Variants in RFTN2 observed in about 807,000 individuals in gnomAD.
The protein encoded by RFTN2 is raftlin-2.
A neutral mutation model predicts 52.7 loss-of-function variants in RFTN2; 34 were observed. That is an observed-to-expected ratio of 0.64 (90% CI 0.49 to 0.86). The LOEUF (loss-of-function observed/expected upper bound fraction) is 0.86. Among genes scored for constraint, RFTN2 ranks in the 40% least tolerant of loss-of-function variants. The pLI is 0.00. For missense variants in RFTN2, 536 were observed against 600.1 expected (o/e 0.89, Z 1.12); for synonymous variants, 203 against 217.7 (o/e 0.93, Z 0.59).
intron 8 of RFTN2, among the ~76,000 whole-genome samples, chr2:197,574,414 C>T (rs553128036): frequency 6.6e-6 from 1 of 152,296 alleles, no homozygotes; most frequent in South Asian, 2.1e-4. Context: ...TGGCCAGTTT[C>T]TCCCACTTGG....
At chr2:197,609,102 G>T (rs1055724219) in intron 7 of RFTN2, among the ~76,000 whole-genome samples, 2 of 152,076 alleles carry the variant, frequency 1.3e-5, no homozygotes, top group African/African-American at 4.8e-5. Flanking sequence ...ATATGTGTGC[G>T]TGTGTCTTTA....
At chr2:197,593,884 CAAAAA>C (rs534731223) in intron 8 of RFTN2, among the ~76,000 whole-genome samples, 1 of 60,868 alleles carries the variant, frequency 1.6e-5, no homozygotes. Flanking sequence ...GACTCCATCT[CAAAAA>C]AAAAAAAAAA....
At chr2:197,646,386 T>G in intron 2 of RFTN2, 97 bp downstream of exon 2, 1 of 905,202 alleles carries the variant, frequency 1.1e-6, no homozygotes, top group Non-Finnish European at 1.7e-6. Context: ...AACCCCCATG[T>G]GTCCTTTATT....
chr2:197,588,059 T>C (rs1449410852), intron 8 of RFTN2: 1 of 461,582 alleles, frequency 2.2e-6, no homozygotes, highest in Non-Finnish European at 4.5e-6. Flanking sequence ...AAAAGATTTG[T>C]GTGTTTCCTA....
At chr2:197,636,111 T>C (rs1400350631) in intron 3 of RFTN2, among the ~76,000 whole-genome samples, 1 of 151,984 alleles carries the variant, frequency 6.6e-6, no homozygotes, top group African/African-American at 2.4e-5. Context: ...CTTGTTTTGG[T>C]ACCAGTACCA....
chr2:197,671,567 G>A (rs1305849764), intron 1 of RFTN2, among the ~76,000 whole-genome samples: 1 of 152,164 alleles, frequency 6.6e-6, no homozygotes, highest in Non-Finnish European at 1.5e-5. Flanking sequence ...ACCTTGTCCA[G>A]TTTGACCGAG....
intron 7 of RFTN2, among the ~76,000 whole-genome samples, chr2:197,605,341 A>G (rs1443113434): frequency 1.3e-5 from 2 of 151,336 alleles, no homozygotes; most frequent in African/African-American, 2.4e-5. Flanking sequence ...TCAGCCTCCC[A>G]AGTAGCTGGG....
At chr2:197,650,982 T>TATA (rs2106257082) in intron 1 of RFTN2, among the ~76,000 whole-genome samples, 1 of 152,368 alleles carries the variant, frequency 6.6e-6, no homozygotes, top group South Asian at 2.1e-4. Flanking sequence ...TTCTAACAGG[T>TATA]ATAAGGTGAT....
At chr2:197,639,357 C>T (rs1018045615) in intron 3 of RFTN2, among the ~76,000 whole-genome samples, 28 of 151,892 alleles carry the variant, frequency 1.8e-4, no homozygotes, top group East Asian at 3.9e-4. Context: ...TTCCATTCTC[C>T]GCATCACTTT....
chr2:197,578,729 C>T (rs980362525), intron 8 of RFTN2, among the ~76,000 whole-genome samples: 5 of 152,198 alleles, frequency 3.3e-5, no homozygotes, highest in Non-Finnish European at 5.9e-5. Flanking sequence ...AGCTTTATTG[C>T]TCACACAAAG....
Position 197,633,702 on chromosome 2 carries a change from TA to T in RFTN2, c.718+15del. 2 of 1,606,312 alleles carry T rather than the reference TA, an allele frequency of 1.2e-6. No homozygotes were observed. The highest frequency in any genetic ancestry group is 3.3e-4 in the Middle Eastern group (2 of 6,040). ...AAACTATAGTATATTCTCTTTCTACTAATCTTGTCTATTACCTTCTCCCTTT... is the reference window on the plus strand; with the variant it reads ...AAACTATAGTATATTCTCTTTCTACTATCTTGTCTATTACCTTCTCCCTTT... On this transcript the variant is annotated intron_variant, in intron 4 of 8. Transcript: ENST00000295049.
intron 5 of RFTN2, among the ~76,000 whole-genome samples, chr2:197,618,659 G>A (rs1385147182): frequency 1.3e-5 from 2 of 151,608 alleles, no homozygotes; most frequent in Non-Finnish European, 2.9e-5. Flanking sequence ...CTTCCCGGCC[G>A]CCATCACATC....
intron 6 of RFTN2, 53 bp downstream of exon 6, chr2:197,617,747 T>A (rs573688542): frequency 1.1e-5 from 7 of 636,860 alleles, no homozygotes; most frequent in Admixed American, 9.2e-5. Flanking sequence ...ATATATATAT[T>A]ATATATTATA....
intron 1 of RFTN2, among the ~76,000 whole-genome samples, chr2:197,666,286 T>G (rs1389265203): frequency 6.6e-6 from 1 of 152,196 alleles, no homozygotes; most frequent in African/African-American, 2.4e-5. Flanking sequence ...GGCTTCACCA[T>G]GTTGGCCAGG....
At chr2:197,619,642 G>A (rs2088223916) in intron 5 of RFTN2, among the ~76,000 whole-genome samples, 1 of 148,768 alleles carries the variant, frequency 6.7e-6, no homozygotes, top group Admixed American at 6.7e-5. Context: ...GAAAACCAGA[G>A]ACCTTTGTTC....
In RFTN2 at chr2:197,647,758, C is replaced by T. The variant is rs1047734360; in HGVS notation, c.140-1092G>A. Among the ~76,000 whole-genome samples the T allele has an allele frequency of 7.2e-5, 11 of 152,030 alleles. No homozygotes were observed. The East Asian group carries it at 7.7e-4, about 11-fold the overall frequency. ...CTCTTTAATAAATAAAAATTCTAAA[C>T]GTAGTGGAAATTTAAATGCAAAATT... On this transcript the variant is annotated intron_variant, in intron 1 of 8. Transcript: ENST00000295049.
chr2:197,577,781 A>G (rs1044507567), intron 8 of RFTN2, among the ~76,000 whole-genome samples: 8 of 152,160 alleles, frequency 5.3e-5, no homozygotes, highest in Non-Finnish European at 8.8e-5. Flanking sequence ...TTTCAGAGTC[A>G]TTACTATTTA....
chr2:197,665,968 T>C (rs1041521710), intron 1 of RFTN2, among the ~76,000 whole-genome samples: 1 of 152,224 alleles, frequency 6.6e-6, no homozygotes, highest in East Asian at 1.9e-4. Flanking sequence ...ATTTTCATGA[T>C]GGTAAATGTT....
chr2:197,584,407 G>A (rs1202464398), intron 8 of RFTN2, among the ~76,000 whole-genome samples: 1 of 152,134 alleles, frequency 6.6e-6, no homozygotes, highest in African/African-American at 2.4e-5. Context: ...CTGCATAAAT[G>A]TCTTCTTTTG....
Sources: gnomAD v4.1 joint callset for allele counts (sites outside exome capture counted in the v4.1 genomes callset) on GRCh38, gnomAD v4.1.1 for gene constraint, MANE v1.5 for transcripts, NCBI Gene and HGNC (gene_info 2026-07-23, HGNC 2026-07-21) for gene names.